The following SYNE2 variants were observed in gnomAD, a reference collection of about 807,000 sequenced individuals.
The protein encoded by SYNE2 is nesprin-2.
SYNE2 carries 431 observed loss-of-function variants against 856.3 expected under a neutral mutation model. The observed-to-expected ratio is 0.50, with a 90% CI of 0.47 to 0.55. The LOEUF is 0.55. Ranked by LOEUF, SYNE2 falls within the 20% of genes least tolerant of loss-of-function variation. The probability of loss-of-function intolerance (pLI) is 0.00; values close to 1 mark genes in which losing one functional copy is unlikely to be tolerated. For synonymous variants in SYNE2, 2,923 were observed against 2,872.3 expected, an observed-to-expected ratio of 1.02 and a Z score of -0.56; for missense variants, 8,129 against 8,023.2, an observed-to-expected ratio of 1.01 and a Z score of -0.50.
chr14:63,949,768 G>T, intron 6 of SYNE2, 57 bp from the exon 7 acceptor site: 1 of 1,594,202 alleles, frequency 6.3e-7, no homozygotes. Flanking sequence ...GGAAATTTTG[G>T]CCCAATGCTG....
At chr14:64,065,755 C>A in intron 51 of SYNE2, 105 bp downstream of exon 51, 2 of 1,197,240 alleles carry the variant, frequency 1.7e-6, no homozygotes, top group Non-Finnish European at 2.4e-6. Flanking sequence ...TAGCCTATAC[C>A]ATTTGTGCAC....
At chr14:63,802,041 CT>C (rs1009216903) in intron 1 of SYNE2, among the ~76,000 whole-genome samples, 6 of 147,682 alleles carry the variant, frequency 4.1e-5, no homozygotes, top group East Asian at 2.0e-4. Flanking sequence ...AACTTAAAAA[CT>C]TTTTTTATAA....
chr14:63,878,931 A>T (rs150962098), intron 1 of SYNE2, among the ~76,000 whole-genome samples: 10 of 152,346 alleles, frequency 6.6e-5, no homozygotes, highest in African/African-American at 2.2e-4. Flanking sequence ...TAAATGATAC[A>T]GTTTGGACAG....
At chr14:63,923,069 A>G (rs2095620093) in intron 2 of SYNE2, among the ~76,000 whole-genome samples, 1 of 152,258 alleles carries the variant, frequency 6.6e-6, no homozygotes, top group Non-Finnish European at 1.5e-5. Flanking sequence ...AGCAAGGAGT[A>G]ACAAATATGT....
intron 104 of SYNE2, among the ~76,000 whole-genome samples, chr14:64,212,384 C>T (rs1412081151): frequency 6.6e-6 from 1 of 152,142 alleles, no homozygotes; most frequent in African/African-American, 2.4e-5. Context: ...TCTCCTTGGC[C>T]AGATTTTGGA....
In SYNE2 at chr14:64,186,421, C is replaced by T. The variant is rs950834812; in HGVS notation, c.17557-3C>T. On this transcript the variant is annotated splice_polypyrimidine_tract_variant and splice_region_variant and intron_variant, in intron 96 of 115. Coordinates refer to ENST00000555002, the MANE Select transcript of SYNE2 (RefSeq NM_182914.3). ...TTTACCCCCTTCTTGTGATTAAATG[C>T]AGGAACTAGAACAGTCTTTGGCTAG... 5 of 1,614,028 alleles carry T rather than the reference C, an allele frequency of 3.1e-6. No homozygotes were observed. The African/African-American group carries it at 6.7e-5, about 22-fold the overall frequency.
At position 64,093,493 on chromosome 14, in the gene SYNE2, C is replaced by T; in HGVS notation, c.12108+13C>T. The stretch of plus-strand genomic sequence containing the variant: ...GCCACAACTACAGGTATGTTTCTTT[C>T]ATTCATAAAGGTATGTTTCATTTGT... On this transcript the variant is annotated intron_variant, in intron 61 of 115. Transcript: ENST00000555002. 6.2e-7 allele frequency: 1 copy of T among 1,614,060 alleles called. No individual in the cohort carries two copies. Among genetic ancestry groups the T allele is most frequent in the South Asian group, 1.1e-5 (1 of 91,076 alleles).
chr14:64,190,230 G>A lies in SYNE2; in HGVS notation c.18031G>A (p.Gly6011Arg), dbSNP rs145257568. ...TTGGCAACATCTTTTTGATGTCATC[G>A]GATCAAGGTAAGAAATGGGCTAAAA... ...DRWQHLFDVIGSRVKKLKETF... is the reference protein window; with the variant it reads ...DRWQHLFDVIRSRVKKLKETF... Residue 6011 changes from glycine to arginine, a missense_variant, in exon 99 of 116, where the codon GGA becomes AGA. Gly to Arg is a moderately radical substitution (Grantham distance 125). Around this residue, in one of 3 missense-constraint regions of SYNE2, gnomAD observed 5,410 missense variants for 5,284.8 expected, o/e 1.02. Coordinates refer to ENST00000555002, the MANE Select transcript of SYNE2 (RefSeq NM_182914.3). 22 of 1,613,774 alleles carry A rather than the reference G, an allele frequency of 1.4e-5. No homozygotes were observed. The highest frequency in any genetic ancestry group is 6.7e-5 in the East Asian group (3 of 44,880).
rs762552014 is a variant in SYNE2, at chr14:63,967,737, A to T, written c.1019A>T (p.Asn340Ile). 8.1e-6 allele frequency: 13 copies of T among 1,614,164 alleles called. No individual in the cohort carries two copies. Among genetic ancestry groups the T allele is most frequent in the Non-Finnish European group, 1.1e-5 (13 of 1,179,984 alleles). The change falls in exon 11 of 116, where the codon AAT becomes ATT. Residue 340 changes from asparagine to isoleucine, a missense_variant. Around this residue, in one of 3 missense-constraint regions of SYNE2, gnomAD observed 2,422 missense variants for 2,357.4 expected, o/e 1.03. Coordinates refer to ENST00000555002, the MANE Select transcript of SYNE2 (RefSeq NM_182914.3). ...CTGCTGTCCTTTATGGAGTCATTCA[A>T]TGAAGAAAAAAAGTCCTTTTTGGAT... ...NSLLSFMESF[N>I]EEKKSFLDVL...
intron 32 of SYNE2, among the ~76,000 whole-genome samples, chr14:64,013,561 A>G (rs111712009): frequency 6.6e-6 from 1 of 152,098 alleles, no homozygotes; most frequent in Non-Finnish European, 1.5e-5. Flanking sequence ...GCTCCCACTT[A>G]TAAGTGAGAC....
rs2097235955 is a variant in SYNE2 at position 64,052,641 on chromosome 14, A to G, written c.8728A>G (p.Arg2910Gly). 6.2e-7 allele frequency: 1 copy of G among 1,614,102 alleles called. No homozygotes were observed. The highest frequency in any genetic ancestry group is 8.5e-7 in the Non-Finnish European group (1 of 1,180,004). Residue 2910 changes from arginine (R) to glycine (G), a missense_variant, in exon 48 of 116, where the codon AGA becomes GGA. Around this residue, in one of 3 missense-constraint regions of SYNE2, gnomAD observed 5,410 missense variants for 5,284.8 expected, o/e 1.02. Transcript: ENST00000555002. ...NIYEELNVFE[R>G]LFLEDQLKNL... The stretch of plus-strand genomic sequence containing the variant: ...CTATGAGGAGCTGAATGTGTTTGAA[A>G]GATTATTTCTGGAAGATCAGTTGAA...
chr14:63,990,548 A>G lies in SYNE2; in HGVS notation c.2451A>G (p.Gln817=), dbSNP rs759928837. 6.2e-7 allele frequency: 1 copy of G among 1,614,028 alleles called. No individual in the cohort carries two copies. Among genetic ancestry groups the G allele is most frequent in the South Asian group, 1.1e-5 (1 of 91,082 alleles). ...CAACTGGGCTTCAGGCAAAGATTCA[A>G]GAAGCTAAAGAGAAAGTCCAGGTCT... ...VLTTGLQAKI[Q]EAKEKVQINV... The change falls in exon 20 of 116, where the codon CAA becomes CAG. Residue 817 remains glutamine (Q), a synonymous_variant. Coordinates refer to ENST00000555002, the MANE Select transcript of SYNE2 (RefSeq NM_182914.3).
chr14:63,994,366 G>C lies in SYNE2; in HGVS notation c.2781+397G>C, dbSNP rs2096695470. Among the ~76,000 whole-genome samples the C allele has an allele frequency of 2.0e-5, 3 of 152,138 alleles. No individual in the cohort carries two copies. The South Asian group carries it at 6.2e-4, about 32-fold the overall frequency. ...GTAATTAATGTGATAATTAAAATGT[G>C]TGTGTCTATATATCTATGTCTATGT... On this transcript the variant is annotated intron_variant, in intron 22 of 115. Transcript: ENST00000555002.
intron 112 of SYNE2, among the ~76,000 whole-genome samples, chr14:64,222,510 G>A (rs1231495635): frequency 6.6e-6 from 1 of 152,206 alleles, no homozygotes; most frequent in Non-Finnish European, 1.5e-5. Context: ...TTCAAGACCA[G>A]TCTGGCCAAC....
In SYNE2 at chr14:64,022,039, C is replaced by A; in HGVS notation, c.5524+11C>A. Reference sequence around the variant, plus strand: ...CTAAGTTATTGAATGGTGAGTGCAACATTTCTCTTATTTTGTTTCTGGGAC... The same window carrying A: ...CTAAGTTATTGAATGGTGAGTGCAAAATTTCTCTTATTTTGTTTCTGGGAC... On this transcript the variant is annotated intron_variant, in intron 37 of 115. Transcript: ENST00000555002. 2 of 1,612,808 alleles carry A rather than the reference C, an allele frequency of 1.2e-6. No individual in the cohort carries two copies. Among genetic ancestry groups the A allele is most frequent in the Non-Finnish European group, 1.7e-6 (2 of 1,179,198 alleles).
chr14:63,878,405 T>C (rs1222597669), intron 1 of SYNE2, among the ~76,000 whole-genome samples: 2 of 152,278 alleles, frequency 1.3e-5, no homozygotes, highest in East Asian at 1.9e-4. Flanking sequence ...GATTGGTTGA[T>C]TGTCTAGAGA....
At chr14:64,134,236 C>T in intron 78 of SYNE2, 36 bp downstream of exon 78, 1 of 1,609,576 alleles carries the variant, frequency 6.2e-7, no homozygotes, top group Non-Finnish European at 8.5e-7. Flanking sequence ...AAAGGCGTGT[C>T]CATAGCACTT....
At chr14:63,865,694 A>T (rs1895014163) in intron 1 of SYNE2, among the ~76,000 whole-genome samples, 1 of 147,598 alleles carries the variant, frequency 6.8e-6, no homozygotes, top group Admixed American at 6.8e-5. Flanking sequence ...CCTGGGCAAC[A>T]AGAGCAAAAC....
At chr14:63,978,471 A>ATAAT (rs2153470285) in intron 13 of SYNE2, among the ~76,000 whole-genome samples, 1 of 152,310 alleles carries the variant, frequency 6.6e-6, no homozygotes, top group South Asian at 2.1e-4. Context: ...ACTTATTAGA[A>ATAAT]TAATAAGAGG....
Sources: allele counts gnomAD v4.1 joint callset (sites outside exome capture counted in the v4.1 genomes callset), GRCh38; gene constraint gnomAD v4.1.1; regional missense constraint gnomAD v4.1.1; transcripts MANE v1.5; gene names NCBI Gene and HGNC (gene_info 2026-07-23, HGNC 2026-07-21).